CSNK2A2IP: variants seen among roughly 807,000 people sequenced by gnomAD.
CSNK2A2IP encodes casein kinase II subunit alpha'-interacting protein.
the CSNK2A2IP span, among the ~76,000 whole-genome samples, chr3:88,352,811 T>C: frequency 1.5e-4 from 23 of 152,160 alleles, no homozygotes; most frequent in Non-Finnish European, 2.4e-4. Context: ...TCAAGTTTCA[T>C]AGGCATTTAC....
the CSNK2A2IP span, among the ~76,000 whole-genome samples, chr3:88,387,286 C>T: frequency 4.1e-4 from 63 of 151,970 alleles, no homozygotes; most frequent in Non-Finnish European, 6.5e-4. Flanking sequence ...CTCAGCCCCC[C>T]GAGTAGCTAA....
At chr3:88,358,174 G>A in the CSNK2A2IP span, among the ~76,000 whole-genome samples, 1 of 152,038 alleles carries the variant, frequency 6.6e-6, no homozygotes. Context: ...ACTGATTTTT[G>A]TATGTTGACT....
At chr3:88,445,411 C>A in the CSNK2A2IP span, among the ~76,000 whole-genome samples, 1 of 151,604 alleles carries the variant, frequency 6.6e-6, no homozygotes, top group East Asian at 1.9e-4. Flanking sequence ...TCACTGCACT[C>A]TAGCCCAGGC....
the CSNK2A2IP span, among the ~76,000 whole-genome samples, chr3:88,461,939 A>T: frequency 6.6e-6 from 1 of 151,788 alleles, no homozygotes; most frequent in Non-Finnish European, 1.5e-5. Flanking sequence ...GGATTTTGCC[A>T]CATTGCCCAG....
the CSNK2A2IP span, among the ~76,000 whole-genome samples, chr3:88,394,004 G>C: frequency 6.6e-6 from 1 of 152,122 alleles, no homozygotes; most frequent in Non-Finnish European, 1.5e-5. Context: ...AATTTCGTGT[G>C]GTGTGAGGGG....
At chr3:88,371,667 T>C in the CSNK2A2IP span, among the ~76,000 whole-genome samples, 3 of 151,778 alleles carry the variant, frequency 2.0e-5, no homozygotes, top group Admixed American at 6.6e-5. Context: ...ACTTCTGATA[T>C]TTGAAGACAA....
the CSNK2A2IP span, chr3:88,467,052 G>A: frequency 1.0e-6 from 1 of 982,534 alleles, no homozygotes; most frequent in South Asian, 5.1e-5. Flanking sequence ...CATCTGAACG[G>A]GATATCCAGG....
the CSNK2A2IP span, among the ~76,000 whole-genome samples, chr3:88,454,780 A>C: frequency 1.4e-4 from 21 of 151,998 alleles, no homozygotes; most frequent in Admixed American, 9.8e-4. Context: ...AGTTACCATT[A>C]TTTTGTGTGT....
At chr3:88,390,131 G>T in the CSNK2A2IP span, among the ~76,000 whole-genome samples, 2 of 152,088 alleles carry the variant, frequency 1.3e-5, no homozygotes, top group Non-Finnish European at 2.9e-5. Context: ...GGGGAGGAGG[G>T]TGGTTTGTGT....
At chr3:88,354,609 G>T in the CSNK2A2IP span, among the ~76,000 whole-genome samples, 1 of 152,146 alleles carries the variant, frequency 6.6e-6, no homozygotes, top group Admixed American at 6.6e-5. Context: ...AGAACTGAAA[G>T]AAAATTCACC....
At chr3:88,379,132 T>G in the CSNK2A2IP span, among the ~76,000 whole-genome samples, 796 of 152,080 alleles carry the variant, frequency 5.2e-3, 10 homozygotes, top group African/African-American at 0.018. Flanking sequence ...AGCTCTGGTT[T>G]TACTAGAGCT....
At chr3:88,369,793 A>C in the CSNK2A2IP span, among the ~76,000 whole-genome samples, 1 of 151,942 alleles carries the variant, frequency 6.6e-6, no homozygotes, top group Middle Eastern at 3.4e-3. Flanking sequence ...CAGAAAACAG[A>C]AGCCTTATTA....
the CSNK2A2IP span, among the ~76,000 whole-genome samples, chr3:88,341,787 G>T: frequency 2.0e-5 from 3 of 151,960 alleles, no homozygotes; most frequent in South Asian, 2.1e-4. Context: ...AATCTGAAGG[G>T]AATTCATTTT....
the CSNK2A2IP span, among the ~76,000 whole-genome samples, chr3:88,401,632 C>G: frequency 6.6e-6 from 1 of 151,972 alleles, no homozygotes; most frequent in Non-Finnish European, 1.5e-5. Flanking sequence ...TTATCAGGCT[C>G]TAAATGGAGA....
the CSNK2A2IP span, among the ~76,000 whole-genome samples, chr3:88,446,030 TTTTC>T: frequency 0.1 from 5,886 of 57,716 alleles, 305 homozygotes; most frequent in Admixed American, 0.14. Context: ...TCTTTGTTTC[TTTTC>T]TTTCTTTCTT....
At chr3:88,450,907 A>G in the CSNK2A2IP span, among the ~76,000 whole-genome samples, 1 of 152,224 alleles carries the variant, frequency 6.6e-6, no homozygotes, top group African/African-American at 2.4e-5. Flanking sequence ...TTCTATTTTT[A>G]ATTTCTTTAG....
chr3:88,411,364 T>C, the CSNK2A2IP span, among the ~76,000 whole-genome samples: 1 of 129,708 alleles, frequency 7.7e-6, no homozygotes, highest in Non-Finnish European at 1.6e-5. Flanking sequence ...TATCTATCTA[T>C]CTATCTATCT....
the CSNK2A2IP span, among the ~76,000 whole-genome samples, chr3:88,429,775 C>T: frequency 6.6e-6 from 1 of 152,026 alleles, no homozygotes; most frequent in East Asian, 1.9e-4. Flanking sequence ...TTTTTTGAGA[C>T]GGAGTCTCGT....
the CSNK2A2IP span, among the ~76,000 whole-genome samples, chr3:88,439,689 C>T: frequency 6.8e-6 from 1 of 147,536 alleles, no homozygotes; most frequent in Non-Finnish European, 1.5e-5. Context: ...TTGCAGTGAG[C>T]CGAGATCATG....
Sources: gnomAD v4.1 joint callset for allele counts (sites outside exome capture counted in the v4.1 genomes callset) on GRCh38, gnomAD v4.1.1 for gene constraint, MANE v1.5 for transcripts, NCBI Gene and HGNC (gene_info 2026-07-23, HGNC 2026-07-21) for gene names.